The following ANKRD7 variants were observed in gnomAD, a reference collection of about 807,000 sequenced individuals.
ANKRD7 encodes the protein ankyrin repeat domain 7, also known as ankyrin repeat domain-containing protein 7.
ANKRD7 carries 30 observed loss-of-function variants against 30.8 expected under a neutral mutation model. That is an observed-to-expected ratio of 0.97 (90% CI 0.73 to 1.32). The LOEUF is 1.32. Ranked by LOEUF, ANKRD7 falls within the 40% of genes most tolerant of loss-of-function variation. The probability of loss-of-function intolerance (pLI) is 0.00; values close to 1 mark genes in which losing one functional copy is unlikely to be tolerated. For missense variants in ANKRD7, 264 were observed against 295.7 expected, an observed-to-expected ratio of 0.89 and a Z score of 0.79; for synonymous variants, 97 against 106.6, an observed-to-expected ratio of 0.91 and a Z score of 0.55.
chr7:118,233,979 C>A (rs2116011282), intron 1 of ANKRD7, among the ~76,000 whole-genome samples: 1 of 152,164 alleles, frequency 6.6e-6, no homozygotes, highest in Non-Finnish European at 1.5e-5. Flanking sequence ...TTCTCAGAAA[C>A]AAATGCCAAC....
intron 1 of ANKRD7, among the ~76,000 whole-genome samples, chr7:118,226,217 T>C (rs1809538287): frequency 1.3e-5 from 2 of 152,232 alleles, no homozygotes; most frequent in African/African-American, 4.8e-5. Context: ...GGCTCTGTCT[T>C]GGCATACTTG....
chr7:118,239,909 A>T lies in ANKRD7; in HGVS notation c.713A>T (p.His238Leu), dbSNP rs1584727232. ...RNMFISMVLL[H>L]RYPQFTASHG... ...CATTCACACGTAATTTCCTTTATAG[A>T]TAGATACCCACAATTCACTGCGAGC... The change falls in exon 6 of 7, where the codon CAT becomes CTT. Residue 238 changes from histidine (H) to leucine (L), a missense_variant and splice_region_variant. His to Leu is a moderately conservative substitution (Grantham distance 99, BLOSUM62 -3). Coordinates refer to ENST00000265224, the MANE Select transcript of ANKRD7 (RefSeq NM_019644.4). The T allele has an allele frequency of 1.3e-6, 2 of 1,588,122 alleles. No individual in the cohort carries two copies. Among genetic ancestry groups the T allele is most frequent in the Non-Finnish European group, 1.7e-6 (2 of 1,162,338 alleles).
intron 1 of ANKRD7, among the ~76,000 whole-genome samples, chr7:118,229,256 G>C (rs62468162): frequency 0.098 from 14,905 of 152,064 alleles, 865 homozygotes; most frequent in East Asian, 0.19. Context: ...ACTAGTGAGG[G>C]CTTCCCTGGC....
At position 118,224,871 on chromosome 7, in the gene ANKRD7, C is replaced by T. The variant is rs376379560; in HGVS notation, c.41C>T (p.Thr14Ile). 6.2e-7 allele frequency: 1 copy of T among 1,613,960 alleles called. No homozygotes were observed. Among genetic ancestry groups the T allele is most frequent in the Non-Finnish European group, 8.5e-7 (1 of 1,180,024 alleles). The change falls in exon 1 of 7, where the codon ACC (threonine) becomes ATC (isoleucine). Residue 14 changes from threonine (T) to isoleucine (I), a missense_variant. By Grantham distance (89) the Thr-to-Ile change is moderately conservative. Coordinates refer to ENST00000265224, the MANE Select transcript of ANKRD7 (RefSeq NM_019644.4). ...LFSFWKRKNE[T>I]RSQGYNLREK... Reference sequence around the variant, plus strand: ...AGCTTCTGGAAGAGGAAGAATGAGACCCGCAGCCAGGGCTACAACCTTCGA... The same window carrying T: ...AGCTTCTGGAAGAGGAAGAATGAGATCCGCAGCCAGGGCTACAACCTTCGA...
chr7:118,239,918 C>T lies in ANKRD7; in HGVS notation c.722C>T (p.Pro241Leu). Reference sequence around the variant, plus strand: ...GTAATTTCCTTTATAGATAGATACCCACAATTCACTGCGAGCCATGGAAAG... The same window carrying T: ...GTAATTTCCTTTATAGATAGATACCTACAATTCACTGCGAGCCATGGAAAG... ...FISMVLLHRY[P>L]QFTASHGKKK... Residue 241 changes from proline (P) to leucine (L), a missense_variant, in exon 6 of 7, where the codon CCA becomes CTA. Physicochemically the swap from Pro to Leu is moderately conservative, Grantham distance 98 (BLOSUM62 -3). Transcript: ENST00000265224. 6.3e-7 allele frequency: 1 copy of T among 1,593,842 alleles called. No individual in the cohort carries two copies. The highest frequency in any genetic ancestry group is 8.6e-7 in the Non-Finnish European group (1 of 1,166,830).
chr7:118,226,198 G>A (rs562173955), intron 1 of ANKRD7, among the ~76,000 whole-genome samples: 1 of 152,360 alleles, frequency 6.6e-6, no homozygotes, highest in East Asian at 1.9e-4. Context: ...TATAACAAGT[G>A]TAGTTTTAGG....
intron 1 of ANKRD7, among the ~76,000 whole-genome samples, chr7:118,227,693 C>T (rs1288631136): frequency 6.6e-6 from 1 of 152,192 alleles, no homozygotes; most frequent in South Asian, 2.1e-4. Context: ...CATTAACAAC[C>T]ACTTGCTGCG....
intron 1 of ANKRD7, among the ~76,000 whole-genome samples, chr7:118,229,238 G>C (rs958382256): frequency 6.6e-6 from 1 of 152,032 alleles, no homozygotes; most frequent in African/African-American, 2.4e-5. Flanking sequence ...TTATTCAACT[G>C]TTACCTTACT....
intron 5 of ANKRD7, among the ~76,000 whole-genome samples, chr7:118,237,988 C>G (rs1809760707): frequency 6.6e-6 from 1 of 151,918 alleles, no homozygotes; most frequent in South Asian, 2.1e-4. Flanking sequence ...ACTTAAAAAG[C>G]TTAGGTATAT....
chr7:118,233,121 G>A (rs1285202402), intron 1 of ANKRD7, among the ~76,000 whole-genome samples: 1 of 152,136 alleles, frequency 6.6e-6, no homozygotes, highest in African/African-American at 2.4e-5. Context: ...TGGAATCACA[G>A]TAAAGTAAAG....
At chr7:118,232,719 T>TG (rs1491322222) in intron 1 of ANKRD7, among the ~76,000 whole-genome samples, 2,780 of 122,038 alleles carry the variant, frequency 0.023, 84 homozygotes, top group African/African-American at 0.067. Context: ...GAGCAGTGTG[T>TG]TTGTGTGTGT....
Position 118,234,725 on chromosome 7 carries a change from T to C in ANKRD7, c.319T>C (p.Cys107Arg). Reference protein sequence around the residue: ...IKAVQCQNEDCATILLNFGAD... With the variant: ...IKAVQCQNEDRATILLNFGAD... ...GGCAGTACAGTGTCAAAATGAGGAT[T>C]GTGCTACTATTCTTCTAAACTTTGG... Residue 107 changes from cysteine (C) to arginine (R), a missense_variant, in exon 3 of 7, where the codon TGT becomes CGT. Physicochemically the swap from Cys to Arg is radical, Grantham distance 180. Transcript: ENST00000265224. 1 of 1,609,982 alleles carries C rather than the reference T, an allele frequency of 6.2e-7. No individual in the cohort carries two copies.
In ANKRD7 at chr7:118,224,786, C is replaced by G; in HGVS notation, c.-45C>G. 6.3e-7 allele frequency: 1 copy of G among 1,577,670 alleles called. No homozygotes were observed. Among genetic ancestry groups the G allele is most frequent in the South Asian group, 1.2e-5 (1 of 85,602 alleles). On this transcript the variant is annotated 5_prime_UTR_variant, in exon 1 of 7. Transcript: ENST00000265224. Reference sequence around the variant, plus strand: ...GGGGCAGGGCGGACGGCTAGGAGTTCAAGAAACATCCTGGTCTGAGGGAAA... The same window carrying G: ...GGGGCAGGGCGGACGGCTAGGAGTTGAAGAAACATCCTGGTCTGAGGGAAA...
At chr7:118,240,319 C>G (rs891981316) in intron 6 of ANKRD7, among the ~76,000 whole-genome samples, 1 of 152,122 alleles carries the variant, frequency 6.6e-6, no homozygotes, top group Non-Finnish European at 1.5e-5. Flanking sequence ...CCCCTCCCCC[C>G]ACCTCACAAC....
chr7:118,237,675 G>A (rs1809753282), intron 5 of ANKRD7, among the ~76,000 whole-genome samples: 2 of 151,816 alleles, frequency 1.3e-5, no homozygotes, highest in African/African-American at 2.4e-5. Flanking sequence ...CATATGAAAA[G>A]CATAGGTGGG....
At chr7:118,226,723 A>G (rs1294451481) in intron 1 of ANKRD7, among the ~76,000 whole-genome samples, 1 of 152,288 alleles carries the variant, frequency 6.6e-6, no homozygotes, top group East Asian at 1.9e-4. Context: ...ATCTACATAT[A>G]TTTTATGCAT....
At chr7:118,226,632 G>A (rs1455765027) in intron 1 of ANKRD7, among the ~76,000 whole-genome samples, 2 of 152,184 alleles carry the variant, frequency 1.3e-5, no homozygotes, top group Non-Finnish European at 2.9e-5. Flanking sequence ...TTCACATTGA[G>A]TAGATGGAGG....
In ANKRD7 at chr7:118,227,929, C is replaced by G. The variant is rs753766025; in HGVS notation, c.179+2920C>G. 4.5e-6 allele frequency: 6 copies of G among 1,318,688 alleles called. No individual in the cohort carries two copies. In the African/African-American group the frequency reaches 9.6e-5, roughly 21 times the overall value. 81.7% of individuals were successfully genotyped at this position (1,318,688 alleles called of 1,614,324 possible). On this transcript the variant is annotated intron_variant, in intron 1 of 6. Coordinates refer to ENST00000265224, the MANE Select transcript of ANKRD7 (RefSeq NM_019644.4). ...GTCTTTTTTTTTTTTTTAACAAAAA[C>G]AGTGTTGTCCAATCTTCTAGATGGC...
chr7:118,227,841 G>A (rs1413929104), intron 1 of ANKRD7: 3 of 1,285,184 alleles, frequency 2.3e-6, no homozygotes, highest in Admixed American at 2.3e-5. Context: ...TTCATCACAG[G>A]TGGGTAAGTG....
Sources: gnomAD v4.1 joint callset for allele counts (sites outside exome capture counted in the v4.1 genomes callset) on GRCh38, gnomAD v4.1.1 for gene constraint, MANE v1.5 for transcripts, NCBI Gene and HGNC (gene_info 2026-07-23, HGNC 2026-07-21) for gene names.